The following CRACDL variants were observed in gnomAD, a reference collection of about 807,000 sequenced individuals.
CRACDL encodes CRACD like.
In CRACDL, 26 loss-of-function variants were observed where a neutral mutation model predicts 70.6. The observed-to-expected ratio is 0.37, with a 90% CI of 0.27 to 0.51. The LOEUF (loss-of-function observed/expected upper bound fraction) is 0.51. CRACDL is among the 20% of genes least tolerant of loss of function. The probability of loss-of-function intolerance (pLI) is 0.94; values close to 1 mark genes in which losing one functional copy is unlikely to be tolerated. For synonymous variants in CRACDL, 618 were observed against 615.2 expected, an observed-to-expected ratio of 1.00 and a Z score of -0.07; for missense variants, 1,283 against 1,376.9, an observed-to-expected ratio of 0.93 and a Z score of 1.08.
intron 7 of CRACDL, among the ~76,000 whole-genome samples, chr2:98,815,699 C>A (rs1470590340): frequency 6.6e-6 from 1 of 152,202 alleles, no homozygotes; most frequent in Non-Finnish European, 1.5e-5. Flanking sequence ...GTGCTCTAGG[C>A]TGGTGCATAC....
intron 1 of CRACDL, among the ~76,000 whole-genome samples, chr2:98,869,591 A>T (rs926911001): frequency 1.3e-5 from 2 of 152,214 alleles, no homozygotes; most frequent in Non-Finnish European, 2.9e-5. Flanking sequence ...AGGAAGAAAG[A>T]GGAATGCTGA....
intron 1 of CRACDL, among the ~76,000 whole-genome samples, chr2:98,903,756 T>A (rs1708339936): frequency 6.6e-6 from 1 of 152,228 alleles, no homozygotes; most frequent in Non-Finnish European, 1.5e-5. Context: ...TTGAAGTTAG[T>A]CTCAGTAGTC....
chr2:98,799,349 G>A (rs1173817576), intron 7 of CRACDL, among the ~76,000 whole-genome samples: 1 of 151,998 alleles, frequency 6.6e-6, no homozygotes, highest in Non-Finnish European at 1.5e-5. Context: ...GTACAAGCGG[G>A]GTGGCCACTG....
At chr2:98,895,364 C>A (rs183847789) in intron 1 of CRACDL, among the ~76,000 whole-genome samples, 1 of 152,264 alleles carries the variant, frequency 6.6e-6, no homozygotes, top group Non-Finnish European at 1.5e-5. Flanking sequence ...GAAGGACGGA[C>A]GCTCAGCTTG....
intron 1 of CRACDL, among the ~76,000 whole-genome samples, chr2:98,899,006 T>C (rs1308914231): frequency 2.0e-5 from 3 of 152,228 alleles, no homozygotes; most frequent in Non-Finnish European, 4.4e-5. Context: ...TGATAGTTCA[T>C]GGCTACCAGG....
chr2:98,901,266 T>C (rs1406386235), intron 1 of CRACDL, among the ~76,000 whole-genome samples: 2 of 152,126 alleles, frequency 1.3e-5, no homozygotes, highest in Non-Finnish European at 2.9e-5. Flanking sequence ...ATTTTGACCA[T>C]GATGGGCCAC....
chr2:98,890,789 G>A (rs1323532571), intron 1 of CRACDL, among the ~76,000 whole-genome samples: 1 of 152,212 alleles, frequency 6.6e-6, no homozygotes, highest in African/African-American at 2.4e-5. Flanking sequence ...GGGCGTGGTG[G>A]CTCACACATG....
At chr2:98,800,335 G>T (rs1386202347) in intron 7 of CRACDL, among the ~76,000 whole-genome samples, 1 of 152,282 alleles carries the variant, frequency 6.6e-6, no homozygotes, top group East Asian at 1.9e-4. Context: ...TCCAGGCTGG[G>T]GTTGGGGGCA....
At chr2:98,837,622 G>A (rs1008226748) in intron 3 of CRACDL, among the ~76,000 whole-genome samples, 1 of 151,978 alleles carries the variant, frequency 6.6e-6, no homozygotes, top group Admixed American at 6.5e-5. Context: ...AGTTTTTTGT[G>A]CTTATTGGGT....
At chr2:98,885,211 A>G (rs950392590) in intron 1 of CRACDL, among the ~76,000 whole-genome samples, 1 of 152,176 alleles carries the variant, frequency 6.6e-6, no homozygotes, top group African/African-American at 2.4e-5. Flanking sequence ...GCTGGGGCCA[A>G]TTCCTCAGCA....
chr2:98,933,399 T>A (rs1709131697), intron 1 of CRACDL, among the ~76,000 whole-genome samples: 1 of 152,182 alleles, frequency 6.6e-6, no homozygotes, highest in African/African-American at 2.4e-5. Flanking sequence ...GGGACGAAGC[T>A]ACCTTTAAGC....
chr2:98,805,323 A>G (rs931977755), intron 7 of CRACDL, among the ~76,000 whole-genome samples: 2 of 152,190 alleles, frequency 1.3e-5, no homozygotes, highest in African/African-American at 4.8e-5. Context: ...AGGAGTCACT[A>G]GGTGCTTGAG....
chr2:98,869,576 G>A (rs1445006664), intron 1 of CRACDL, among the ~76,000 whole-genome samples: 1 of 152,194 alleles, frequency 6.6e-6, no homozygotes, highest in East Asian at 1.9e-4. Context: ...GGAAGGGCAG[G>A]GCCCAGGAAG....
At chr2:98,812,233 C>T (rs570489459) in intron 7 of CRACDL, among the ~76,000 whole-genome samples, 2 of 152,306 alleles carry the variant, frequency 1.3e-5, no homozygotes, top group East Asian at 3.9e-4. Context: ...CCTTGGCCTC[C>T]CAAAGTGCTG....
At position 98,845,481 on chromosome 2, in the gene CRACDL, C is replaced by T. The variant is rs142890896; in HGVS notation, c.70+1250G>A. Among the ~76,000 whole-genome samples the T allele has an allele frequency of 7.2e-5, 11 of 152,220 alleles. No individual in the cohort carries two copies. In the East Asian group the frequency reaches 7.7e-4, roughly 11 times the overall value. On this transcript the variant is annotated intron_variant, in intron 2 of 9. Coordinates refer to ENST00000397899, the MANE Select transcript of CRACDL (RefSeq NM_207362.3). ...GAGTGCTGGGATTACAGGTGGAAGCCGCTGTGCCTGGCCCATTTTCCTTTC... is the reference window on the plus strand; with the variant it reads ...GAGTGCTGGGATTACAGGTGGAAGCTGCTGTGCCTGGCCCATTTTCCTTTC...
intron 1 of CRACDL, among the ~76,000 whole-genome samples, chr2:98,910,264 A>T (rs1465759107): frequency 2.0e-5 from 3 of 152,092 alleles, no homozygotes; most frequent in African/African-American, 7.2e-5. Flanking sequence ...TCACACCTGT[A>T]ATCCCAGCAC....
chr2:98,826,350 G>C (rs1454487028), intron 6 of CRACDL, among the ~76,000 whole-genome samples: 3 of 152,156 alleles, frequency 2.0e-5, no homozygotes, highest in Non-Finnish European at 4.4e-5. Flanking sequence ...TTTGTTCAGT[G>C]GTTCATCCAT....
At position 98,823,082 on chromosome 2, in the gene CRACDL, G is replaced by A. The variant is rs1705153900; in HGVS notation, c.1191C>T (p.Asp397=). The change falls in exon 7 of 10, where the codon GAC becomes GAT. Residue 397 remains aspartate (D), a synonymous_variant. Transcript: ENST00000397899. This position sits in a 1 kb window ranked among gnomAD's most constrained non-coding sequence, Gnocchi z 4.0. ...KAEEVVCAPE[D]VASPFPTAIP... is the part of the protein sequence containing the mutation. ...TGGCGGTGGGAAACGGGCTCGCGAC[G>A]TCTTCGGGAGCACAGACCACCTCCT... 8 of 1,574,730 alleles carry A rather than the reference G, an allele frequency of 5.1e-6. No individual in the cohort carries two copies. The highest frequency in any genetic ancestry group is 1.2e-5 in the South Asian group (1 of 86,272).
At chr2:98,832,701 C>A (rs761320322) in intron 4 of CRACDL, among the ~76,000 whole-genome samples, 161 bp downstream of exon 4, 12 of 152,156 alleles carry the variant, frequency 7.9e-5, no homozygotes, top group Non-Finnish European at 1.2e-4. Flanking sequence ...AAGAATGAGT[C>A]GAGATCCCAC....
Sources: gnomAD v4.1 joint callset for allele counts (sites outside exome capture counted in the v4.1 genomes callset) on GRCh38, gnomAD v4.1.1 for gene constraint, Gnocchi (gnomAD v3.1) non-coding constraint, MANE v1.5 for transcripts, NCBI Gene and HGNC (gene_info 2026-07-23, HGNC 2026-07-21) for gene names.